The following SACS variants were observed in gnomAD, a reference collection of about 807,000 sequenced individuals.
SACS encodes sacsin.
In SACS, 197 loss-of-function variants were observed where a neutral mutation model predicts 348.0. That is an observed-to-expected ratio of 0.57 (90% confidence interval 0.50 to 0.64). SACS has a LOEUF of 0.64. Among genes scored for constraint, SACS ranks in the 30% least tolerant of loss-of-function variants. The pLI, the probability that SACS is intolerant of heterozygous loss-of-function variation, is 0.00. For synonymous variants in SACS, 1,985 were observed against 1,910.6 expected, an observed-to-expected ratio of 1.04 and a Z score of -1.02; for missense variants, 4,999 against 5,360.8, an observed-to-expected ratio of 0.93 and a Z score of 2.11.
rs2137568781 is a variant in SACS at position 23,332,689 on chromosome 13, C to T, written c.11187G>A (p.Gln3729=). Residue 3729 remains glutamine, a synonymous_variant, in exon 10 of 10, where the codon CAG becomes CAA. Coordinates refer to ENST00000382292, the MANE Select transcript of SACS (RefSeq NM_014363.6). ...QEGSDLGPQE[Q]LEQVLNMLNV... The stretch of plus-strand genomic sequence containing the variant: ...TAAGCATATTTAAAACTTGTTCAAG[C>T]TGTTCTTGTGGACCAAGGTCACTAC... 6.8e-6 allele frequency: 11 copies of T among 1,613,942 alleles called. No individual in the cohort carries two copies. Among genetic ancestry groups the T allele is most frequent in the Non-Finnish European group, 9.3e-6 (11 of 1,179,942 alleles).
chr13:23,346,170 G>A (rs1248049320), intron 9 of SACS, among the ~76,000 whole-genome samples: 1 of 152,182 alleles, frequency 6.6e-6, no homozygotes. Flanking sequence ...TTTTGAGACA[G>A]AGTCCCGCTC....
At chr13:23,376,177 G>T (rs897209778) in intron 2 of SACS, among the ~76,000 whole-genome samples, 1 of 152,082 alleles carries the variant, frequency 6.6e-6, no homozygotes, top group Non-Finnish European at 1.5e-5. Flanking sequence ...AACTTATTTT[G>T]GCAATATTAT....
In SACS at chr13:23,329,825, T is replaced by C. The variant is rs953534307; in HGVS notation, c.*311A>G. 3 of 490,486 alleles carry C rather than the reference T, an allele frequency of 6.1e-6. No individual in the cohort carries two copies. The highest frequency in any genetic ancestry group is 5.8e-5 in the African/African-American group (3 of 51,672). 30.4% of individuals were successfully genotyped at this position (490,486 alleles called of 1,614,324 possible). A position where few individuals can be genotyped will look rare whatever the true frequency, so the allele number is the denominator to read the frequency against. On this transcript the variant is annotated 3_prime_UTR_variant, in exon 10 of 10. Coordinates refer to ENST00000382292, the MANE Select transcript of SACS (RefSeq NM_014363.6). ...ATTAACTTCATCCTAACCAGAGACATACATAGACTCTTATCTAACAAACTG... is the reference window on the plus strand; with the variant it reads ...ATTAACTTCATCCTAACCAGAGACACACATAGACTCTTATCTAACAAACTG...
chr13:23,377,484 A>C (rs1871863445), intron 2 of SACS, among the ~76,000 whole-genome samples: 1 of 152,166 alleles, frequency 6.6e-6, no homozygotes, highest in South Asian at 2.1e-4. Flanking sequence ...GTCAGAACAG[A>C]CATCTTTGCT....
intron 2 of SACS, among the ~76,000 whole-genome samples, chr13:23,385,860 G>A (rs11619233): frequency 0.084 from 12,844 of 152,278 alleles, 701 homozygotes; most frequent in East Asian, 0.13. Flanking sequence ...TAGCAGGCAG[G>A]AAACGATATT....
intron 2 of SACS, among the ~76,000 whole-genome samples, chr13:23,402,112 A>G (rs1179032559): frequency 6.6e-6 from 1 of 151,016 alleles, no homozygotes; most frequent in African/African-American, 2.4e-5. Flanking sequence ...TGGAAGGCGG[A>G]GCTTGCAGTG....
intron 2 of SACS, among the ~76,000 whole-genome samples, chr13:23,391,032 G>A (rs565459663): frequency 2.0e-4 from 31 of 152,344 alleles, no homozygotes; most frequent in African/African-American, 6.5e-4. Flanking sequence ...ACCACAGGCC[G>A]TGCCTGGGGA....
chr13:23,405,515 C>T (rs1873166615), intron 2 of SACS, among the ~76,000 whole-genome samples: 1 of 152,166 alleles, frequency 6.6e-6, no homozygotes, highest in African/African-American at 2.4e-5. Flanking sequence ...ATGACTGAAA[C>T]ACCAAAAGCA....
chr13:23,390,929 A>C (rs1872506819), intron 2 of SACS, among the ~76,000 whole-genome samples: 1 of 152,182 alleles, frequency 6.6e-6, no homozygotes, highest in Non-Finnish European at 1.5e-5. Flanking sequence ...TCTCCAGCCC[A>C]AACCTGCCCT....
At chr13:23,411,096 G>T in intron 2 of SACS, 124 bp downstream of exon 2, 1 of 774,732 alleles carries the variant, frequency 1.3e-6, no homozygotes, top group South Asian at 1.5e-5. Flanking sequence ...AGATATGGAT[G>T]GTTAGTTCAC....
At chr13:23,394,797 G>C (rs919016431) in intron 2 of SACS, among the ~76,000 whole-genome samples, 1 of 152,166 alleles carries the variant, frequency 6.6e-6, no homozygotes, top group African/African-American at 2.4e-5. Flanking sequence ...AGAGGTTGCA[G>C]TGAATCGAGA....
Position 23,331,763 on chromosome 13 carries a change from C to T in SACS, c.12113G>A (p.Cys4038Tyr). The change falls in exon 10 of 10, where the codon TGC (cysteine) becomes TAC (tyrosine). Residue 4038 changes from cysteine to tyrosine, a missense_variant. Coordinates refer to ENST00000382292, the MANE Select transcript of SACS (RefSeq NM_014363.6). The stretch of plus-strand genomic sequence containing the variant: ...TTTCAATCCTTCTCTTAGGGCTTTG[C>T]AAAGTCTTATGGCTTTTTCTTCATT... ...LANEEKAIRL[C>Y]KALREGLKVS... 6.2e-7 allele frequency: 1 copy of T among 1,613,914 alleles called. No individual in the cohort carries two copies.
At chr13:23,360,567 G>GA (rs1307717783) in intron 6 of SACS, among the ~76,000 whole-genome samples, 2 of 152,110 alleles carry the variant, frequency 1.3e-5, no homozygotes, top group Non-Finnish European at 2.9e-5. Flanking sequence ...CGCCTTGCCT[G>GA]AAGGACACCC....
rs111371229 is a variant in SACS at position 23,370,824 on chromosome 13, G to A, written c.259+254C>T. On this transcript the variant is annotated intron_variant, in intron 4 of 9. Transcript: ENST00000382292. ...CTAAAAATGTAAAAATTAGCTGGGCGTGATGGCAGGCACCTGTTTTCCCAG... is the reference window on the plus strand; with the variant it reads ...CTAAAAATGTAAAAATTAGCTGGGCATGATGGCAGGCACCTGTTTTCCCAG... 0.047 allele frequency among the ~76,000 whole-genome samples: 7,180 copies of A among 152,218 alleles called. 600 individuals are homozygous for A. Among genetic ancestry groups the A allele is most frequent in the African/African-American group, 0.16 (6,823 of 41,510 alleles).
intron 2 of SACS, among the ~76,000 whole-genome samples, chr13:23,378,632 G>C (rs1194094766): frequency 6.6e-6 from 1 of 152,096 alleles, no homozygotes; most frequent in Non-Finnish European, 1.5e-5. Context: ...GTAGAGACAG[G>C]GTTTCGCCAT....
chr13:23,427,454 A>G (rs1406314124), intron 1 of SACS: 1 of 152,204 alleles, frequency 6.6e-6, no homozygotes, highest in African/African-American at 2.4e-5. Flanking sequence ...AAAATATCCT[A>G]TTTTGGCATA....
intron 9 of SACS, among the ~76,000 whole-genome samples, chr13:23,350,464 C>T (rs1316338349): frequency 6.6e-6 from 1 of 152,042 alleles, no homozygotes; most frequent in Non-Finnish European, 1.5e-5. Flanking sequence ...CAATATTTAG[C>T]TAAGGATTTT....
At chr13:23,373,715 GC>G (rs1871546128) in intron 3 of SACS, 1 of 147,576 alleles carries the variant, frequency 6.8e-6, no homozygotes, top group Admixed American at 7.0e-5. Flanking sequence ...CAGGAGAATC[GC>G]TTGAACCAGG....
intron 1 of SACS, among the ~76,000 whole-genome samples, chr13:23,413,570 GA>G (rs879318287): frequency 1.1e-4 from 16 of 151,944 alleles, no homozygotes; most frequent in African/African-American, 3.6e-4. Flanking sequence ...TCATTGTGGG[GA>G]AAAAAAGGAA....
Sources: gnomAD v4.1 joint callset for allele counts (sites outside exome capture counted in the v4.1 genomes callset) on GRCh38, gnomAD v4.1.1 for gene constraint, MANE v1.5 for transcripts, NCBI Gene and HGNC (gene_info 2026-07-23, HGNC 2026-07-21) for gene names.